Variants in SMARCB1 observed in about 807,000 individuals in gnomAD.
SMARCB1 encodes SWI/SNF related BAF chromatin remodeling complex subunit B1.
Under a neutral mutation model 49.0 loss-of-function variants are expected in SMARCB1, and 5 were observed. The ratio of observed to expected loss-of-function variants is 0.10; its 90% CI spans 0.05 to 0.21. SMARCB1 has a LOEUF of 0.21. Ranked by LOEUF, SMARCB1 falls within the 10% of genes least tolerant of loss-of-function variation. SMARCB1 has a pLI of 1.00. For synonymous variants in SMARCB1, 201 were observed against 200.1 expected (o/e 1.00, Z -0.04); for missense variants, 226 against 509.2 (o/e 0.44, Z 5.35).
At chr22:23,795,638 G>T (rs949951386) in intron 3 of SMARCB1, among the ~76,000 whole-genome samples, 2 of 151,442 alleles carry the variant, frequency 1.3e-5, no homozygotes, top group African/African-American at 4.8e-5. Context: ...CCTGGGCAAC[G>T]AGAGTGAAAC....
intron 1 of SMARCB1, among the ~76,000 whole-genome samples, chr22:23,788,919 G>A (rs2145955411): frequency 6.6e-6 from 1 of 151,656 alleles, no homozygotes; most frequent in African/African-American, 2.4e-5. Context: ...GTGTAATCTC[G>A]GCTCACTGCA....
rs1220530907 is a variant in SMARCB1, at chr22:23,837,999, A to G, written c.*3819A>G. 6 of 1,242,086 alleles carry G rather than the reference A, an allele frequency of 4.8e-6. No individual in the cohort carries two copies. In the East Asian group the frequency reaches 7.7e-5, roughly 16 times the overall value. 76.9% of individuals were successfully genotyped at this position (1,242,086 alleles called of 1,614,324 possible). ...TGAGCCAGTCCAATAAAGGCGACACACTCCACGGGCTTCAGGTCCCACGAA... is the reference window on the plus strand; with the variant it reads ...TGAGCCAGTCCAATAAAGGCGACACGCTCCACGGGCTTCAGGTCCCACGAA... On this transcript the variant is annotated 3_prime_UTR_variant, in exon 9 of 9. Coordinates refer to ENST00000644036, the MANE Select transcript of SMARCB1 (RefSeq NM_003073.5).
intron 3 of SMARCB1, among the ~76,000 whole-genome samples, chr22:23,799,677 TAA>T: frequency 1.7e-5 from 2 of 118,016 alleles, no homozygotes; most frequent in Non-Finnish European, 3.3e-5. Context: ...CACACCTGGC[TAA>T]TTTTTTTTTT....
chr22:23,828,331 G>A (rs549350510), intron 7 of SMARCB1, among the ~76,000 whole-genome samples: 5 of 151,174 alleles, frequency 3.3e-5, no homozygotes, highest in East Asian at 2.0e-4. Flanking sequence ...GATTACAGGC[G>A]TGAGCCACCG....
intron 7 of SMARCB1, among the ~76,000 whole-genome samples, chr22:23,828,259 G>C (rs984292278): frequency 2.6e-5 from 4 of 151,988 alleles, no homozygotes; most frequent in Non-Finnish European, 5.9e-5. Context: ...CACCGTATTA[G>C]CTAGGATGGT....
At chr22:23,813,244 A>C (rs907515271) in intron 5 of SMARCB1, among the ~76,000 whole-genome samples, 4 of 152,246 alleles carry the variant, frequency 2.6e-5, no homozygotes, top group Non-Finnish European at 5.9e-5. Flanking sequence ...GTCTGCTGTC[A>C]CTATTCTTAT....
intron 7 of SMARCB1, among the ~76,000 whole-genome samples, chr22:23,828,961 C>T (rs909439100): frequency 6.6e-6 from 1 of 152,170 alleles, no homozygotes; most frequent in East Asian, 1.9e-4. Flanking sequence ...ACAAACTGGT[C>T]AGAAGCCCTA....
intron 6 of SMARCB1, among the ~76,000 whole-genome samples, chr22:23,822,241 G>T (rs937902401): frequency 1.3e-5 from 2 of 152,244 alleles, no homozygotes; most frequent in Non-Finnish European, 2.9e-5. Context: ...GCAGGGGTTG[G>T]GGGGCAGGGG....
intron 2 of SMARCB1, chr22:23,793,263 G>T: frequency 2.1e-6 from 1 of 470,640 alleles, no homozygotes; most frequent in Middle Eastern, 6.4e-4. Context: ...CGCTGGTCGT[G>T]CTGTATTGTA....
chr22:23,803,593 T>C, intron 5 of SMARCB1, 171 bp downstream of exon 5: 1 of 773,262 alleles, frequency 1.3e-6, no homozygotes, highest in South Asian at 1.5e-5. Context: ...GTTCTGTTGC[T>C]GTTCACTGTG....
At chr22:23,802,920 A>G (rs1929259186) in intron 4 of SMARCB1, 2 of 366,936 alleles carry the variant, frequency 5.5e-6, no homozygotes, top group Non-Finnish European at 1.1e-5. Context: ...TCCTCCATTC[A>G]CCTGCCTTGG....
chr22:23,837,280 A>G lies in SMARCB1; in HGVS notation c.*3100A>G. On this transcript the variant is annotated 3_prime_UTR_variant, in exon 9 of 9. Coordinates refer to ENST00000644036, the MANE Select transcript of SMARCB1 (RefSeq NM_003073.5). The stretch of plus-strand genomic sequence containing the variant: ...AGGCCCCACAGCATGAGTGCCCCAA[A>G]GCCTTGCACAGAGTGCCAGCCCCGG... 8.1e-7 allele frequency: 1 copy of G among 1,228,286 alleles called. No individual in the cohort carries two copies. The highest frequency in any genetic ancestry group is 1.1e-6 in the Non-Finnish European group (1 of 876,436). The allele number at this position is 1,228,286 out of a possible 1,614,324, so 76.1% of individuals were successfully genotyped here.
chr22:23,816,581 G>T, intron 5 of SMARCB1, 189 bp from the exon 6 acceptor site: 1 of 673,654 alleles, frequency 1.5e-6, no homozygotes, highest in Non-Finnish European at 2.7e-6. Context: ...GCAGGATGAG[G>T]GCTGGGGGCC....
chr22:23,833,922 C>G (rs1259955376), intron 8 of SMARCB1, among the ~76,000 whole-genome samples: 2 of 152,240 alleles, frequency 1.3e-5, no homozygotes, highest in African/African-American at 4.8e-5. Context: ...GAGGGTCTGA[C>G]CACAGCCCAG....
At chr22:23,825,536 T>C in intron 7 of SMARCB1, 121 bp downstream of exon 7, 1 of 872,686 alleles carries the variant, frequency 1.1e-6, no homozygotes, top group Admixed American at 2.2e-5. Flanking sequence ...ACAATCTGGC[T>C]GGGGTCTGTG....
intron 5 of SMARCB1, among the ~76,000 whole-genome samples, chr22:23,805,006 T>G (rs1470506810): frequency 1.3e-5 from 2 of 152,182 alleles, no homozygotes; most frequent in East Asian, 3.8e-4. Context: ...TATGAGTGGT[T>G]GTTGATATGT....
chr22:23,832,003 A>C (rs1411443483), intron 7 of SMARCB1, among the ~76,000 whole-genome samples: 2 of 152,178 alleles, frequency 1.3e-5, no homozygotes, highest in African/African-American at 4.8e-5. Flanking sequence ...GCTGAGCTTC[A>C]GCTGTGAGGG....
Position 23,836,040 on chromosome 22 carries a change from G to GA in SMARCB1, c.*1862dup. On this transcript the variant is annotated 3_prime_UTR_variant, in exon 9 of 9. Transcript: ENST00000644036. ...ATAAACCACAACATGGACAGGCTTA[G>GA]AACAACAAGGAAAGCTGCCAGGTCA... The GA allele has an allele frequency of 1.0e-6, 1 of 985,492 alleles. No homozygotes were observed. Among genetic ancestry groups the GA allele is most frequent in the South Asian group, 4.7e-5 (1 of 21,284 alleles). The allele number at this position is 985,492 out of a possible 1,614,324, so 61.0% of individuals were successfully genotyped here. A position where few individuals can be genotyped will look rare whatever the true frequency, so the allele number is the denominator to read the frequency against.
In SMARCB1 at chr22:23,836,914, G is replaced by A; in HGVS notation, c.*2734G>A. The A allele has an allele frequency of 6.5e-7, 1 of 1,532,126 alleles. No individual in the cohort carries two copies. The highest frequency in any genetic ancestry group is 8.8e-7 in the Non-Finnish European group (1 of 1,141,038). The allele number at this position is 1,532,126 out of a possible 1,614,324, so 94.9% of individuals were successfully genotyped here. On this transcript the variant is annotated 3_prime_UTR_variant, in exon 9 of 9. Coordinates refer to ENST00000644036, the MANE Select transcript of SMARCB1 (RefSeq NM_003073.5). ...GATGGGGTCCTGGCTGTTCCTCAGG[G>A]AGGGGCAGGTAATTGGGGTCTTCTG...
Sources: gnomAD v4.1 joint callset for allele counts (sites outside exome capture counted in the v4.1 genomes callset) on GRCh38, gnomAD v4.1.1 for gene constraint, MANE v1.5 for transcripts, NCBI Gene and HGNC (gene_info 2026-07-23, HGNC 2026-07-21) for gene names.